Variants in TBC1D24 observed in about 807,000 individuals in gnomAD.
TBC1D24 encodes the protein Infantile myoclonic epilepsy.
TBC1D24 carries 47 observed loss-of-function variants against 50.7 expected under a neutral mutation model. The ratio of observed to expected loss-of-function variants is 0.93; its 90% CI spans 0.73 to 1.18. TBC1D24 has a LOEUF of 1.18. Among genes scored for constraint, TBC1D24 ranks in the 50% most tolerant of loss-of-function variants. TBC1D24 has a pLI of 0.00. For synonymous variants in TBC1D24, 324 were observed against 335.2 expected (o/e 0.97, Z 0.36); for missense variants, 688 against 766.5 (o/e 0.90, Z 1.21).
chr16:2,490,365 G>A (rs752667536), intron 1 of TBC1D24, among the ~76,000 whole-genome samples: 1 of 152,222 alleles, frequency 6.6e-6, no homozygotes, highest in Admixed American at 6.5e-5. Context: ...ACCTCACTCC[G>A]TGCCTCTGCA....
Position 2,499,472 on chromosome 16 carries a change from C to T in TBC1D24, c.1206+52C>T. ...TGGCTCTGATGGGCTCCAGGGCTGGCTCTGATGGGCTCCAGGGCTGGCTCT... is the reference window on the plus strand; with the variant it reads ...TGGCTCTGATGGGCTCCAGGGCTGGTTCTGATGGGCTCCAGGGCTGGCTCT... On this transcript the variant is annotated intron_variant, in intron 5 of 7. Transcript: ENST00000646147. The surrounding 1 kb of genome is among the most constrained non-coding windows in gnomAD (Gnocchi z 4.0). The T allele has an allele frequency of 7.9e-6, 12 of 1,521,712 alleles. No homozygotes were observed. The highest frequency in any genetic ancestry group is 1.0e-5 in the Non-Finnish European group (11 of 1,103,484). The allele number at this position is 1,521,712 out of a possible 1,614,324, so 94.3% of individuals were successfully genotyped here.
rs1252154170 is a variant in TBC1D24 at position 2,486,758 on chromosome 16, G to C, written c.-115-9276G>C. ...CTAAGAAGCATCTGTATCGAAACTG[G>C]CTTTGAAAACTTCACAGTGGAGCTT... On this transcript the variant is annotated intron_variant, in intron 1 of 7. Transcript: ENST00000646147. The surrounding 1 kb of genome is among the most constrained non-coding windows in gnomAD (Gnocchi z 5.8). Among the ~76,000 whole-genome samples, 1 of 152,218 alleles carries C rather than the reference G, an allele frequency of 6.6e-6. No individual in the cohort carries two copies. The highest frequency in any genetic ancestry group is 1.5e-5 in the Non-Finnish European group (1 of 68,038).
intron 1 of TBC1D24, among the ~76,000 whole-genome samples, chr16:2,491,135 T>G (rs1189015222): frequency 6.6e-6 from 1 of 152,208 alleles, no homozygotes; most frequent in Non-Finnish European, 1.5e-5. Flanking sequence ...CAGTTGTGAA[T>G]GCAAGAAAAA....
At chr16:2,494,337 G>C (rs1021271717) in intron 1 of TBC1D24, among the ~76,000 whole-genome samples, 7 of 151,960 alleles carry the variant, frequency 4.6e-5, no homozygotes, top group African/African-American at 1.7e-4. Context: ...ACTTGAGCCC[G>C]GGAGGCGGAA....
At position 2,500,860 on chromosome 16, in the gene TBC1D24, A is replaced by G; in HGVS notation, c.1582A>G (p.Ser528Gly). The G allele has an allele frequency of 6.2e-7, 1 of 1,612,380 alleles. No homozygotes were observed. Among genetic ancestry groups the G allele is most frequent in the African/African-American group, 1.3e-5 (1 of 75,048 alleles). ...TGGGGACCTGAACCGGGGCCGCACA[A>G]GCCACTGCGACACCTTCAACAACCA... ...IDGDLNRGRT[S>G]HCDTFNNQPL... is the part of the protein sequence containing the mutation. The change falls in exon 8 of 8, where the codon AGC becomes GGC. Residue 528 changes from serine to glycine, a missense_variant. Transcript: ENST00000646147. The surrounding 1 kb of genome is among the most constrained non-coding windows in gnomAD (Gnocchi z 8.0).
At position 2,496,280 on chromosome 16, in the gene TBC1D24, G is replaced by A. The variant is rs753767193; in HGVS notation, c.132G>A (p.Trp44Ter). The change falls in exon 2 of 8, where the codon TGG becomes TGA. Residue 44 changes from tryptophan to a stop codon, truncating the protein, a stop_gained. Coordinates refer to ENST00000646147, the MANE Select transcript of TBC1D24 (RefSeq NM_001199107.2). LOFTEE classifies it high-confidence loss of function. ...ELKQLARQGY[W>*]AQSHALRGKV... ...AGCAGCTGGCGCGCCAGGGCTACTG[G>A]GCCCAAAGCCACGCCCTGCGGGGAA... 3 of 1,613,742 alleles carry A rather than the reference G, an allele frequency of 1.9e-6. No homozygotes were observed. The Admixed American group carries it at 5.0e-5, about 27-fold the overall frequency.
Position 2,485,774 on chromosome 16 carries a change from C to T in TBC1D24, c.-115-10260C>T, listed in dbSNP as rs1280851375. The stretch of plus-strand genomic sequence containing the variant: ...TTGCTGCCGGGAGAAACCCCCGCAT[C>T]TTCTGGGTCGCAGATCCTGTGCCGA... On this transcript the variant is annotated intron_variant, in intron 1 of 7. Coordinates refer to ENST00000646147, the MANE Select transcript of TBC1D24 (RefSeq NM_001199107.2). This position sits in a 1 kb window ranked among gnomAD's most constrained non-coding sequence, Gnocchi z 4.6. Among the ~76,000 whole-genome samples the T allele has an allele frequency of 6.6e-6, 1 of 152,234 alleles. No homozygotes were observed. The highest frequency in any genetic ancestry group is 1.5e-5 in the Non-Finnish European group (1 of 68,036).
rs1364523345 is a variant in TBC1D24, at chr16:2,499,774, TGGAGCACAG to T, written c.1207-57_1207-49del. The T allele has an allele frequency of 1.4e-6, 2 of 1,444,794 alleles. No individual in the cohort carries two copies. Among genetic ancestry groups the T allele is most frequent in the African/African-American group, 1.4e-5 (1 of 71,448 alleles). 89.5% of individuals were successfully genotyped at this position (1,444,794 alleles called of 1,614,324 possible). On this transcript the variant is annotated intron_variant, in intron 5 of 7. Transcript: ENST00000646147. The surrounding 1 kb of genome is among the most constrained non-coding windows in gnomAD (Gnocchi z 4.0). ...ACCTGGGACAGGCCCGTCAGTAGTCTGGAGCACAGGGACGCTCCTGGGGGCCTGCGGGCA... is the reference window on the plus strand; with the variant it reads ...ACCTGGGACAGGCCCGTCAGTAGTCTGGACGCTCCTGGGGGCCTGCGGGCA...
Position 2,499,962 on chromosome 16 carries a change from C to A in TBC1D24, c.1302+32C>A. 6.3e-7 allele frequency: 1 copy of A among 1,593,694 alleles called. No homozygotes were observed. The highest frequency in any genetic ancestry group is 1.3e-5 in the African/African-American group (1 of 74,522). On this transcript the variant is annotated intron_variant, in intron 6 of 7. Transcript: ENST00000646147. This position sits in a 1 kb window ranked among gnomAD's most constrained non-coding sequence, Gnocchi z 4.0. ...GGGGCCAAGTGTCCCCAAACCCCCA[C>A]GCAGACCCTGTAGCTGCATCCCTCC...
intron 3 of TBC1D24, 147 bp downstream of exon 3, chr16:2,497,874 T>TTCTGTCTG: frequency 1.2e-6 from 1 of 826,136 alleles, no homozygotes; most frequent in South Asian, 1.5e-5. Flanking sequence ...CTCAGGCGCC[T>TTCTGTCTG]TCTGTCTGTC....
chr16:2,494,469 C>T (rs936404601), intron 1 of TBC1D24, among the ~76,000 whole-genome samples: 4 of 151,546 alleles, frequency 2.6e-5, no homozygotes, highest in Non-Finnish European at 5.9e-5. Flanking sequence ...AAGTGATCTT[C>T]TCAACTGGGG....
At chr16:2,478,754 A>G (rs1345978446) in intron 1 of TBC1D24, 2 of 151,268 alleles carry the variant, frequency 1.3e-5, no homozygotes, top group Non-Finnish European at 2.9e-5. Context: ...TTTTGTTGAG[A>G]CAGGGTCTCG....
In TBC1D24 at chr16:2,501,472, A is replaced by C; in HGVS notation, c.*514A>C. The stretch of plus-strand genomic sequence containing the variant: ...GCGTAGATCCCGAGAACAGACTGGC[A>C]CCCTTGGGCCTGCCCCCTGGCGGAC... On this transcript the variant is annotated 3_prime_UTR_variant, in exon 8 of 8. Coordinates refer to ENST00000646147, the MANE Select transcript of TBC1D24 (RefSeq NM_001199107.2). The C allele has an allele frequency of 6.0e-6, 1 of 167,790 alleles. No individual in the cohort carries two copies. Among genetic ancestry groups the C allele is most frequent in the Non-Finnish European group, 1.3e-5 (1 of 76,708 alleles). The allele number at this position is 167,790 out of a possible 1,614,324, so 10.4% of individuals were successfully genotyped here.
At position 2,499,517 on chromosome 16, in the gene TBC1D24, G is replaced by GC; in HGVS notation, c.1206+99dup. ...GGCTCTGATGGGCTTCAGGGCCTAG[G>GC]CCTCCTGGGCCAGATCCAGAGTCAG... On this transcript the variant is annotated intron_variant, in intron 5 of 7. Transcript: ENST00000646147. The surrounding 1 kb of genome is among the most constrained non-coding windows in gnomAD (Gnocchi z 4.0). 2 of 1,103,158 alleles carry GC rather than the reference G, an allele frequency of 1.8e-6. No homozygotes were observed. The highest frequency in any genetic ancestry group is 2.7e-6 in the Non-Finnish European group (2 of 739,424). 68.3% of individuals were successfully genotyped at this position (1,103,158 alleles called of 1,614,324 possible). A position where few individuals can be genotyped will look rare whatever the true frequency, so the allele number is the denominator to read the frequency against.
chr16:2,500,152 G>T lies in TBC1D24; in HGVS notation c.1303-116G>T. The stretch of plus-strand genomic sequence containing the variant: ...ACCAGCTCCCCAGCCCCTGGCTCGG[G>T]CTGCACCCACCTTGGGCTCTGGGTG... On this transcript the variant is annotated intron_variant, in intron 6 of 7. Coordinates refer to ENST00000646147, the MANE Select transcript of TBC1D24 (RefSeq NM_001199107.2). The surrounding 1 kb of genome is among the most constrained non-coding windows in gnomAD (Gnocchi z 8.0). The T allele has an allele frequency of 8.7e-7, 1 of 1,150,356 alleles. No homozygotes were observed. Among genetic ancestry groups the T allele is most frequent in the Non-Finnish European group, 1.3e-6 (1 of 785,862 alleles). The allele number at this position is 1,150,356 out of a possible 1,614,324, so 71.3% of individuals were successfully genotyped here. A position where few individuals can be genotyped will look rare whatever the true frequency, so the allele number is the denominator to read the frequency against.
At position 2,475,970 on chromosome 16, in the gene TBC1D24, G is replaced by A. The variant is rs1013096797; in HGVS notation, c.-116+800G>A. Among the ~76,000 whole-genome samples, 1 of 152,266 alleles carries A rather than the reference G, an allele frequency of 6.6e-6. No individual in the cohort carries two copies. Among genetic ancestry groups the A allele is most frequent in the African/African-American group, 2.4e-5 (1 of 41,472 alleles). On this transcript the variant is annotated intron_variant, in intron 1 of 7. Coordinates refer to ENST00000646147, the MANE Select transcript of TBC1D24 (RefSeq NM_001199107.2). The surrounding 1 kb of genome is among the most constrained non-coding windows in gnomAD (Gnocchi z 4.2). ...TCAAAGGTTGTCTAAAAGCCACCTGGGTGGTGTGGAGGTGCAGGTGGGCTG... is the reference window on the plus strand; with the variant it reads ...TCAAAGGTTGTCTAAAAGCCACCTGAGTGGTGTGGAGGTGCAGGTGGGCTG...
rs2065641173 is a variant in TBC1D24, at chr16:2,485,361, T to A, written c.-116+10191T>A. The A allele has an allele frequency of 1.3e-5, 2 of 152,128 alleles. No individual in the cohort carries two copies. The allele number at this position is 152,128 out of a possible 1,614,324, so 9.4% of individuals were successfully genotyped here. A position where few individuals can be genotyped will look rare whatever the true frequency, so the allele number is the denominator to read the frequency against. On this transcript the variant is annotated intron_variant, in intron 1 of 7. Transcript: ENST00000646147. The surrounding 1 kb of genome is among the most constrained non-coding windows in gnomAD (Gnocchi z 4.6). ...ATGCCTACTTAACAAGGGCTCCATGTCAACCCTAGAAGACAGGACTTGGAG... is the reference window on the plus strand; with the variant it reads ...ATGCCTACTTAACAAGGGCTCCATGACAACCCTAGAAGACAGGACTTGGAG...
rs758013935 is a variant in TBC1D24, at chr16:2,500,496, C to T, written c.1525+6C>T. 8.1e-5 allele frequency: 126 copies of T among 1,552,930 alleles called. No homozygotes were observed. The highest frequency in any genetic ancestry group is 5.7e-4 in the Middle Eastern group (3 of 5,244). On this transcript the variant is annotated splice_donor_region_variant and intron_variant, in intron 7 of 7. Coordinates refer to ENST00000646147, the MANE Select transcript of TBC1D24 (RefSeq NM_001199107.2). The surrounding 1 kb of genome is among the most constrained non-coding windows in gnomAD (Gnocchi z 8.0). The stretch of plus-strand genomic sequence containing the variant: ...CAGCGACTGCCTCATCGTCGGTGAG[C>T]GCCAGCAGACGGGGCTCTGGGATGA...
At position 2,499,416 on chromosome 16, in the gene TBC1D24, A is replaced by C; in HGVS notation, c.1202A>C (p.Lys401Thr). 6.2e-7 allele frequency: 1 copy of C among 1,613,482 alleles called. No individual in the cohort carries two copies. Among genetic ancestry groups the C allele is most frequent in the Non-Finnish European group, 8.5e-7 (1 of 1,179,810 alleles). ...CTCTTGCTCATCAAGACCACGCAGA[A>C]GGAGGTGAGCAGGGGCCCTGGAGCC... ...PTLLLIKTTQ[K>T]EVCGAYLSTD... Residue 401 changes from lysine (K) to threonine (T), a missense_variant, in exon 5 of 8, where the codon AAG (lysine) becomes ACG (threonine). Transcript: ENST00000646147. This position sits in a 1 kb window ranked among gnomAD's most constrained non-coding sequence, Gnocchi z 4.0.
Sources: gnomAD v4.1 joint callset for allele counts (sites outside exome capture counted in the v4.1 genomes callset) on GRCh38, gnomAD v4.1.1 for gene constraint, Gnocchi (gnomAD v3.1) non-coding constraint, MANE v1.5 for transcripts, NCBI Gene and HGNC (gene_info 2026-07-23, HGNC 2026-07-21) for gene names.